The following FTO variants were observed in gnomAD, a reference collection of about 807,000 sequenced individuals.
FTO encodes alpha-ketoglutarate-dependent dioxygenase FTO.
In FTO, 47 loss-of-function variants were observed where a neutral mutation model predicts 63.9. The ratio of observed to expected loss-of-function variants is 0.74; its 90% CI spans 0.58 to 0.94. The LOEUF (loss-of-function observed/expected upper bound fraction) is 0.94, where lower values mean the gene tolerates loss of function less well. Ranked by LOEUF, FTO falls within the 40% of genes least tolerant of loss-of-function variation. The pLI, the probability that FTO is intolerant of heterozygous loss-of-function variation, is 0.00. For missense variants in FTO, 562 were observed against 618.1 expected, an observed-to-expected ratio of 0.91 and a Z score of 0.96; for synonymous variants, 207 against 224.4, an observed-to-expected ratio of 0.92 and a Z score of 0.69.
At chr16:54,054,362 G>A (rs898941779) in intron 8 of FTO, among the ~76,000 whole-genome samples, 3 of 152,136 alleles carry the variant, frequency 2.0e-5, no homozygotes, top group South Asian at 2.1e-4. Context: ...AGGTGAACGC[G>A]TGTGAAATGC....
intron 8 of FTO, among the ~76,000 whole-genome samples, chr16:54,029,851 A>G (rs1253668997): frequency 6.6e-6 from 1 of 152,178 alleles, no homozygotes; most frequent in Non-Finnish European, 1.5e-5. Context: ...CAGTGAGAAA[A>G]GCACTTATTA....
intron 4 of FTO, among the ~76,000 whole-genome samples, chr16:53,863,723 C>T (rs1030106813): frequency 6.6e-6 from 1 of 152,230 alleles, no homozygotes; most frequent in African/African-American, 2.4e-5. Context: ...AAGAGCCTTG[C>T]TCTCTGAGTG....
At chr16:53,914,753 G>T (rs2081817620) in intron 7 of FTO, among the ~76,000 whole-genome samples, 1 of 152,150 alleles carries the variant, frequency 6.6e-6, no homozygotes, top group Non-Finnish European at 1.5e-5. Context: ...ATCCTTAGAG[G>T]TCAGACAGAG....
At chr16:54,031,795 C>G (rs2084838220) in intron 8 of FTO, among the ~76,000 whole-genome samples, 1 of 152,160 alleles carries the variant, frequency 6.6e-6, no homozygotes, top group Non-Finnish European at 1.5e-5. Context: ...TAACTATGCC[C>G]ATACCTTAGC....
intron 1 of FTO, among the ~76,000 whole-genome samples, chr16:53,772,591 A>G (rs1428287027): frequency 2.6e-5 from 4 of 152,128 alleles, no homozygotes. Flanking sequence ...TTGTGACTGT[A>G]TCTGCAGTAA....
intron 2 of FTO, among the ~76,000 whole-genome samples, chr16:53,810,561 T>C (rs1001699708): frequency 3.9e-5 from 6 of 152,190 alleles, no homozygotes; most frequent in African/African-American, 1.4e-4. Flanking sequence ...CATCACCTCC[T>C]TTGTGAACAT....
At chr16:53,930,005 A>G (rs188597528) in intron 7 of FTO, among the ~76,000 whole-genome samples, 108 of 152,210 alleles carry the variant, frequency 7.1e-4, no homozygotes, top group Non-Finnish European at 1.3e-3. Context: ...CCACACTGTG[A>G]GGCAGTGATT....
intron 2 of FTO, among the ~76,000 whole-genome samples, chr16:53,822,242 A>G (rs2078885087): frequency 6.6e-6 from 1 of 152,176 alleles, no homozygotes; most frequent in Non-Finnish European, 1.5e-5. Flanking sequence ...CACCCCTCCA[A>G]AAGAAACCCT....
rs941988294 is a variant in FTO at position 53,857,150 on chromosome 16, G to T, written c.895+12852G>T. On this transcript the variant is annotated intron_variant, in intron 4 of 8. Coordinates refer to ENST00000471389, the MANE Select transcript of FTO (RefSeq NM_001080432.3). Reference sequence around the variant, plus strand: ...TTGTTACATGGGTAAATTGCATATTGTAGGGGTTTAGTATACAGATTATTT... The same window carrying T: ...TTGTTACATGGGTAAATTGCATATTTTAGGGGTTTAGTATACAGATTATTT... Among the ~76,000 whole-genome samples the T allele has an allele frequency of 6.6e-5, 10 of 152,124 alleles. No individual in the cohort carries two copies. The East Asian group carries it at 1.9e-3, about 30-fold the overall frequency.
At chr16:53,801,545 A>AT (rs2078224960) in intron 1 of FTO, among the ~76,000 whole-genome samples, 1 of 151,978 alleles carries the variant, frequency 6.6e-6, no homozygotes, top group South Asian at 2.1e-4. Context: ...AAGTATTCAG[A>AT]TTTTTATCTA....
chr16:54,059,855 G>A (rs1344248925), intron 8 of FTO, among the ~76,000 whole-genome samples: 1 of 152,042 alleles, frequency 6.6e-6, no homozygotes, highest in Non-Finnish European at 1.5e-5. Context: ...TCGGGCTTTT[G>A]GTGGACATGG....
At chr16:53,856,705 G>A (rs1012446237) in intron 4 of FTO, among the ~76,000 whole-genome samples, 5 of 151,508 alleles carry the variant, frequency 3.3e-5, no homozygotes, top group South Asian at 2.1e-4. Flanking sequence ...AGCTGAGATC[G>A]CGCCACTACA....
At position 53,937,083 on chromosome 16, in the gene FTO, T is replaced by C. The variant is rs1349429773; in HGVS notation, c.1364+2974T>C. On this transcript the variant is annotated intron_variant, in intron 8 of 8. Transcript: ENST00000471389. ...TTGTAATTTAGCTTTTTGAGGAAAG[T>C]GTCAATTTTGCATGACTTGGGGTAA... Among the ~76,000 whole-genome samples the C allele has an allele frequency of 1.1e-4, 16 of 152,312 alleles. No individual in the cohort carries two copies. In the East Asian group the frequency reaches 2.3e-3, roughly 22 times the overall value.
intron 8 of FTO, among the ~76,000 whole-genome samples, chr16:54,025,372 G>T (rs757405360): frequency 5.9e-5 from 9 of 152,168 alleles, no homozygotes; most frequent in African/African-American, 2.4e-5. Context: ...TAGACACCTT[G>T]AAGTATTTGG....
intron 8 of FTO, among the ~76,000 whole-genome samples, chr16:54,042,200 T>G (rs551341489): frequency 2.0e-5 from 3 of 149,306 alleles, no homozygotes; most frequent in African/African-American, 7.5e-5. Flanking sequence ...AGGTACCGGG[T>G]TCATCTCACT....
At chr16:53,880,046 G>C in intron 6 of FTO, 59 bp downstream of exon 6, 1 of 1,330,236 alleles carries the variant, frequency 7.5e-7, no homozygotes, top group Non-Finnish European at 1.1e-6. Flanking sequence ...CCAGGCTGGA[G>C]TGCAGCGGCA....
intron 1 of FTO, among the ~76,000 whole-genome samples, chr16:53,803,602 G>C (rs1383220479): frequency 6.6e-6 from 1 of 152,162 alleles, no homozygotes. Flanking sequence ...CAATTCTTAA[G>C]AGAGATGATT....
chr16:53,878,483 A>G (rs1002257108), intron 5 of FTO, among the ~76,000 whole-genome samples: 5 of 152,146 alleles, frequency 3.3e-5, no homozygotes, highest in African/African-American at 1.2e-4. Context: ...TGGCACAGAA[A>G]CTTTGTTTTT....
chr16:53,950,163 A>AAAAAAAAAAAAAAAAAC (rs2082748072), intron 8 of FTO, among the ~76,000 whole-genome samples: 1 of 125,736 alleles, frequency 8.0e-6, no homozygotes, highest in Non-Finnish European at 1.8e-5. Flanking sequence ...TGTAAAAAAA[A>AAAAAAAAAAAAAAAAAC]AAAAAAAAAA....
Sources: allele counts gnomAD v4.1 joint callset (sites outside exome capture counted in the v4.1 genomes callset), GRCh38; gene constraint gnomAD v4.1.1; transcripts MANE v1.5; gene names NCBI Gene and HGNC (gene_info 2026-07-23, HGNC 2026-07-21).